Variants in STAU2 observed in about 807,000 individuals in gnomAD.
STAU2 encodes staufen double-stranded RNA binding protein 2.
In STAU2, 20 loss-of-function variants were observed where a neutral mutation model predicts 65.9. The ratio of observed to expected loss-of-function variants is 0.30; its 90% CI spans 0.21 to 0.44. The LOEUF is 0.44. STAU2 is among the 20% of genes least tolerant of loss of function. The pLI, the probability that STAU2 is intolerant of heterozygous loss-of-function variation, is 1.00. For synonymous variants in STAU2, 232 were observed against 233.9 expected, an observed-to-expected ratio of 0.99 and a Z score of 0.07; for missense variants, 558 against 683.9, an observed-to-expected ratio of 0.82 and a Z score of 2.05.
chr8:73,460,890 T>A (rs998348317), intron 13 of STAU2, among the ~76,000 whole-genome samples: 1 of 152,212 alleles, frequency 6.6e-6, no homozygotes, highest in Admixed American at 6.5e-5. Context: ...TTCCAATGGT[T>A]TAGCCATTGA....
chr8:73,695,347 T>C (rs2130568295), intron 4 of STAU2, among the ~76,000 whole-genome samples: 1 of 152,178 alleles, frequency 6.6e-6, no homozygotes, highest in Non-Finnish European at 1.5e-5. Flanking sequence ...ATAACATTTG[T>C]AGACACACCC....
At chr8:73,726,553 T>C (rs941491554) in intron 3 of STAU2, among the ~76,000 whole-genome samples, 3 of 152,236 alleles carry the variant, frequency 2.0e-5, no homozygotes, top group Non-Finnish European at 2.9e-5. Context: ...GCTGTTTTTT[T>C]CTTTAGTCCT....
intron 12 of STAU2, among the ~76,000 whole-genome samples, chr8:73,564,181 A>G (rs966922295): frequency 2.0e-4 from 30 of 152,132 alleles, no homozygotes; most frequent in African/African-American, 7.0e-4. Flanking sequence ...CAAGGGACTA[A>G]TTTTTGTCTT....
intron 13 of STAU2, among the ~76,000 whole-genome samples, chr8:73,453,280 GA>G: frequency 6.6e-6 from 1 of 152,266 alleles, no homozygotes; most frequent in Admixed American, 6.5e-5. Context: ...TTGTAAAAGG[GA>G]AAATGCATTT....
Position 73,420,595 on chromosome 8 carries a change from G to A in STAU2, c.*777C>T, listed in dbSNP as rs564204476. ...CTACAACACACGGATGGGGGTGGGC[G>A]CGATTCCCACAACAGGGAGTGGAAT... is the stretch of plus-strand genomic sequence containing the variant. On this transcript the variant is annotated 3_prime_UTR_variant, in exon 15 of 15. Transcript: ENST00000524300. 6.9e-4 allele frequency: 125 copies of A among 179,938 alleles called. No individual in the cohort carries two copies. The highest frequency in any genetic ancestry group is 2.6e-3 in the African/African-American group (113 of 43,092). 11.1% of individuals were successfully genotyped at this position (179,938 alleles called of 1,614,324 possible). A position where few individuals can be genotyped will look rare whatever the true frequency, so the allele number is the denominator to read the frequency against.
chr8:73,669,191 A>C, intron 6 of STAU2: 1 of 671,660 alleles, frequency 1.5e-6, no homozygotes. Context: ...CTGTGAGCAG[A>C]AAGAGCTTTT....
At chr8:73,661,517 A>T (rs891352271) in intron 6 of STAU2, among the ~76,000 whole-genome samples, 18 of 152,176 alleles carry the variant, frequency 1.2e-4, no homozygotes, top group African/African-American at 4.1e-4. Context: ...ATGAATTTTG[A>T]CATACACTCA....
chr8:73,696,908 C>T (rs1376003876), intron 4 of STAU2, among the ~76,000 whole-genome samples: 2 of 152,028 alleles, frequency 1.3e-5, no homozygotes, highest in Non-Finnish European at 2.9e-5. Flanking sequence ...AGATTTAACC[C>T]AATGATGACT....
intron 4 of STAU2, among the ~76,000 whole-genome samples, chr8:73,705,272 T>A (rs373682997): frequency 6.6e-6 from 1 of 152,166 alleles, no homozygotes; most frequent in East Asian, 1.9e-4. Flanking sequence ...CAAGGTCACA[T>A]AAGCTCGGCA....
At chr8:73,498,845 G>A (rs1399430437) in intron 13 of STAU2, among the ~76,000 whole-genome samples, 3 of 151,814 alleles carry the variant, frequency 2.0e-5, no homozygotes, top group Non-Finnish European at 1.5e-5. Flanking sequence ...TTAATTTTAT[G>A]TGTTAACTTG....
rs1384697348 is a variant in STAU2, at chr8:73,436,876, C to T, written c.1531-14174G>A. ...TGCTGGGATTACAGGTGTCAGGCAC[C>T]GTGCCTGGTCTATTTTGCCAATCTT... On this transcript the variant is annotated intron_variant, in intron 13 of 14. Transcript: ENST00000524300. Among the ~76,000 whole-genome samples, 6 of 152,206 alleles carry T rather than the reference C, an allele frequency of 3.9e-5. No individual in the cohort carries two copies. The South Asian group carries it at 1.0e-3, about 26-fold the overall frequency.
At chr8:73,542,469 G>A (rs1023412338) in intron 13 of STAU2, among the ~76,000 whole-genome samples, 2 of 152,036 alleles carry the variant, frequency 1.3e-5, no homozygotes, top group Non-Finnish European at 2.9e-5. Flanking sequence ...AAACCTTAAG[G>A]GGGAAAACTG....
chr8:73,529,252 G>A (rs1463876570), intron 13 of STAU2, among the ~76,000 whole-genome samples: 1 of 152,120 alleles, frequency 6.6e-6, no homozygotes, highest in African/African-American at 2.4e-5. Flanking sequence ...CAGCAACTAG[G>A]TATAAGGGGA....
At chr8:73,511,858 A>G (rs1368913815) in intron 13 of STAU2, among the ~76,000 whole-genome samples, 2 of 152,156 alleles carry the variant, frequency 1.3e-5, no homozygotes, top group Non-Finnish European at 2.9e-5. Flanking sequence ...CATTTCTCCT[A>G]TGGTTCTTTG....
At chr8:73,629,564 T>C (rs1019768826) in intron 6 of STAU2, among the ~76,000 whole-genome samples, 1 of 152,204 alleles carries the variant, frequency 6.6e-6, no homozygotes, top group Non-Finnish European at 1.5e-5. Context: ...ATATAATTTA[T>C]TAGCTGGAAC....
At chr8:73,548,334 A>G (rs1807081930) in intron 13 of STAU2, among the ~76,000 whole-genome samples, 1 of 151,986 alleles carries the variant, frequency 6.6e-6, no homozygotes, top group South Asian at 2.1e-4. Context: ...TAGGAGAGAT[A>G]AGAATAAATA....
At chr8:73,505,006 TC>T in intron 13 of STAU2, among the ~76,000 whole-genome samples, 1 of 152,274 alleles carries the variant, frequency 6.6e-6, no homozygotes, top group African/African-American at 2.4e-5. Context: ...TCATTGTTGT[TC>T]TTTCTACTTA....
chr8:73,736,212 A>G (rs1402967960), intron 3 of STAU2, among the ~76,000 whole-genome samples: 4 of 152,248 alleles, frequency 2.6e-5, no homozygotes, highest in African/African-American at 9.6e-5. Context: ...CAAGCAGCAT[A>G]TAACACCAAA....
At chr8:73,650,830 C>G (rs1815803670) in intron 6 of STAU2, among the ~76,000 whole-genome samples, 1 of 152,108 alleles carries the variant, frequency 6.6e-6, no homozygotes, top group South Asian at 2.1e-4. Context: ...GTTTCCTTTT[C>G]AGTTCCCAAG....
Sources: allele counts gnomAD v4.1 joint callset (sites outside exome capture counted in the v4.1 genomes callset), GRCh38; gene constraint gnomAD v4.1.1; transcripts MANE v1.5; gene names NCBI Gene and HGNC (gene_info 2026-07-23, HGNC 2026-07-21).